The following BEAN1 variants were observed in gnomAD, a reference collection of about 807,000 sequenced individuals.
BEAN1 encodes protein BEAN1.
A neutral mutation model predicts 17.7 loss-of-function variants in BEAN1; 17 were observed. The ratio of observed to expected loss-of-function variants is 0.96; its 90% confidence interval spans 0.66 to 1.44. The LOEUF is 1.44. Ranked by LOEUF, BEAN1 falls within the 40% of genes most tolerant of loss-of-function variation. BEAN1 has a pLI of 0.00. For missense variants in BEAN1, 359 were observed against 374.1 expected (o/e 0.96, Z 0.33); for synonymous variants, 142 against 151.8 (o/e 0.94, Z 0.47).
chr16:66,487,862 C>T (rs1351359072), intron 4 of BEAN1, among the ~76,000 whole-genome samples: 2 of 152,204 alleles, frequency 1.3e-5, no homozygotes, highest in Non-Finnish European at 2.9e-5. Context: ...CTGCACTGTT[C>T]CCAAAGTCAG....
chr16:66,432,635 A>T (rs6499084), intron 1 of BEAN1, among the ~76,000 whole-genome samples: 1 of 152,088 alleles, frequency 6.6e-6, no homozygotes, highest in South Asian at 2.1e-4. Context: ...TGTCTGAGCT[A>T]TCAAGACCTG....
chr16:66,437,638 G>A lies in BEAN1; in HGVS notation c.-39G>A, dbSNP rs779327926. 40 of 1,533,742 alleles carry A rather than the reference G, an allele frequency of 2.6e-5. No homozygotes were observed. Among genetic ancestry groups the A allele is most frequent in the South Asian group, 3.6e-5 (3 of 84,006 alleles). Reference sequence around the variant, plus strand: ...CCTGCGAGAAGTCAGAGCTGTGCCCGTGGGCAGGCTGGCTCCGCTGTTCTG... The same window carrying A: ...CCTGCGAGAAGTCAGAGCTGTGCCCATGGGCAGGCTGGCTCCGCTGTTCTG... On this transcript the variant is annotated 5_prime_UTR_variant, in exon 2 of 5. The change creates a new upstream start codon in the 5' untranslated region. Coordinates refer to ENST00000536005, the MANE Select transcript of BEAN1 (RefSeq NM_001178020.3).
Position 66,434,314 on chromosome 16 carries a change from C to T in BEAN1, c.-82-3281C>T, listed in dbSNP as rs934338100. Among the ~76,000 whole-genome samples, 11 of 151,630 alleles carry T rather than the reference C, an allele frequency of 7.3e-5. No homozygotes were observed. The highest frequency in any genetic ancestry group is 2.4e-4 in the African/African-American group (10 of 41,388). On this transcript the variant is annotated intron_variant, in intron 1 of 4. Transcript: ENST00000536005. This position sits in a 1 kb window ranked among gnomAD's most constrained non-coding sequence, Gnocchi z 4.3. ...TCCTCTCAGCAACTTCAGTCACATG[C>T]GTGCGGGACACCAGGATGGGCACTT... is the stretch of plus-strand genomic sequence containing the variant.
downstream of BEAN1, among the ~76,000 whole-genome samples, chr16:66,494,348 G>C (rs1483642511): frequency 6.6e-6 from 1 of 152,070 alleles, no homozygotes; most frequent in East Asian, 1.9e-4. Context: ...GTGACCTTGG[G>C]CAACTCACTC....
intron 2 of BEAN1, among the ~76,000 whole-genome samples, chr16:66,448,371 G>A (rs1189622822): frequency 2.6e-5 from 4 of 152,184 alleles, no homozygotes; most frequent in African/African-American, 9.7e-5. Context: ...ATGACAAACG[G>A]TACAAATCAG....
chr16:66,480,981 G>A lies in BEAN1; in HGVS notation c.*56G>A. On this transcript the variant is annotated 3_prime_UTR_variant, in exon 5 of 5. Transcript: ENST00000536005. ...CTACAGGCTGAACCACATTCTTTAG[G>A]CACACAAAGGCGTGCACACACACAC... 1 of 1,328,934 alleles carries A rather than the reference G, an allele frequency of 7.5e-7. No homozygotes were observed. The highest frequency in any genetic ancestry group is 1.0e-6 in the Non-Finnish European group (1 of 1,000,674). The allele number at this position is 1,328,934 out of a possible 1,614,324, so 82.3% of individuals were successfully genotyped here.
chr16:66,473,935 C>G lies in BEAN1; in HGVS notation c.290-3625C>G, dbSNP rs923134013. Among the ~76,000 whole-genome samples, 1 of 151,884 alleles carries G rather than the reference C, an allele frequency of 6.6e-6. No homozygotes were observed. Among genetic ancestry groups the G allele is most frequent in the African/African-American group, 2.4e-5 (1 of 41,312 alleles). ...GATCCCACACCTTGGTCCTGGTCCT[C>G]TCTCTACACCCACTCCCTGCTCCAT... On this transcript the variant is annotated intron_variant, in intron 3 of 4. Coordinates refer to ENST00000536005, the MANE Select transcript of BEAN1 (RefSeq NM_001178020.3). The surrounding 1 kb of genome is among the most constrained non-coding windows in gnomAD (Gnocchi z 4.5).
chr16:66,455,592 C>G (rs751667062), intron 2 of BEAN1, among the ~76,000 whole-genome samples: 5 of 152,024 alleles, frequency 3.3e-5, no homozygotes, highest in Non-Finnish European at 7.4e-5. Context: ...TTCCCTGGCC[C>G]TCATATCTTG....
chr16:66,435,738 C>T (rs1596975915), intron 1 of BEAN1, among the ~76,000 whole-genome samples: 4 of 152,162 alleles, frequency 2.6e-5, no homozygotes, highest in Admixed American at 2.6e-4. Flanking sequence ...CCGCCTGCCT[C>T]GGCCTCCCAA....
At chr16:66,469,380 G>A (rs1037760669) in intron 2 of BEAN1, among the ~76,000 whole-genome samples, 4 of 152,210 alleles carry the variant, frequency 2.6e-5, no homozygotes, top group Admixed American at 2.0e-4. Flanking sequence ...TCAGAGGAGA[G>A]GAGGGACAGT....
In BEAN1 at chr16:66,469,672, C is replaced by T. The variant is rs543075506; in HGVS notation, c.96C>T (p.Leu32=). Residue 32 remains leucine (L), a synonymous_variant, in exon 3 of 5, where the codon CTC becomes CTT. Transcript: ENST00000536005. The part of the protein sequence containing the change: ...FSESSEHSHL[L]VSPVLVASAV... ...AGAGCTCGGAGCACAGCCATCTGCT[C>T]GTGTCCCCCGTGCTGGTGGCGAGTG... 25 of 1,535,898 alleles carry T rather than the reference C, an allele frequency of 1.6e-5. No homozygotes were observed. Among genetic ancestry groups the T allele is most frequent in the African/African-American group, 9.6e-5 (7 of 73,144 alleles).
At chr16:66,449,859 C>T (rs1962605180) in intron 2 of BEAN1, among the ~76,000 whole-genome samples, 1 of 152,110 alleles carries the variant, frequency 6.6e-6, no homozygotes, top group Non-Finnish European at 1.5e-5. Context: ...TGATCAATTA[C>T]ACCTGCAATA....
In BEAN1 at chr16:66,477,605, A is replaced by G. The variant is rs1382067981; in HGVS notation, c.335A>G (p.Tyr112Cys). 25 of 1,550,724 alleles carry G rather than the reference A, an allele frequency of 1.6e-5. No homozygotes were observed. The highest frequency in any genetic ancestry group is 1.8e-5 in the Non-Finnish European group (21 of 1,146,698). Residue 112 changes from tyrosine to cysteine, a missense_variant, in exon 4 of 5, where the codon TAT (tyrosine) becomes TGT (cysteine). Tyr to Cys is a radical substitution (Grantham distance 194). Coordinates refer to ENST00000536005, the MANE Select transcript of BEAN1 (RefSeq NM_001178020.3). ...TYSRSSRRMR[Y>C]ACSSSEDWPP... is the part of the protein sequence containing the mutation. Reference sequence around the variant, plus strand: ...AGCCGCTCAAGCCGCAGGATGCGCTATGCCTGCAGCTCCTCAGAGGACTGG... The same window carrying G: ...AGCCGCTCAAGCCGCAGGATGCGCTGTGCCTGCAGCTCCTCAGAGGACTGG...
chr16:66,495,024 C>A (rs1964226564), downstream of BEAN1, among the ~76,000 whole-genome samples: 1 of 152,160 alleles, frequency 6.6e-6, no homozygotes, highest in African/African-American at 2.4e-5. Context: ...CTTCAGGGTG[C>A]AAAGCAGGTG....
rs1423770866 is a variant in BEAN1 at position 66,434,206 on chromosome 16, CCCCCGA to C, written c.-82-3378_-82-3373del. Among the ~76,000 whole-genome samples the C allele has an allele frequency of 6.6e-6, 1 of 150,732 alleles. No homozygotes were observed. Among genetic ancestry groups the C allele is most frequent in the African/African-American group, 2.4e-5 (1 of 40,916 alleles). ...TGGCCTAGCAGCTGGGGTGGGCCTG[CCCCCGA>C]CCCCGACCCCAACCCCGACCCCGAC... On this transcript the variant is annotated intron_variant, in intron 1 of 4. Coordinates refer to ENST00000536005, the MANE Select transcript of BEAN1 (RefSeq NM_001178020.3). This position sits in a 1 kb window ranked among gnomAD's most constrained non-coding sequence, Gnocchi z 4.3.
rs1567509652 is a variant in BEAN1, at chr16:66,480,681, A to T, written c.536A>T (p.Asp179Val). The change falls in exon 5 of 5, where the codon GAT (aspartate) becomes GTT (valine). Residue 179 changes from aspartate to valine, a missense_variant. Coordinates refer to ENST00000536005, the MANE Select transcript of BEAN1 (RefSeq NM_001178020.3). ...CTGACTGATTCCTGCCCCACGCTGG[A>T]TGGCACCTCCGACTCAGGCAGCGGC... ...YSLTDSCPTLDGTSDSGSGHS... is the reference protein window; with the variant it reads ...YSLTDSCPTLVGTSDSGSGHS... The T allele has an allele frequency of 3.9e-6, 6 of 1,551,620 alleles. No individual in the cohort carries two copies. The highest frequency in any genetic ancestry group is 5.2e-6 in the Non-Finnish European group (6 of 1,146,954).
chr16:66,451,617 T>A (rs1962676057), intron 2 of BEAN1, among the ~76,000 whole-genome samples: 1 of 152,216 alleles, frequency 6.6e-6, no homozygotes, highest in Non-Finnish European at 1.5e-5. Flanking sequence ...TATTTGATTG[T>A]CATGTATTGG....
chr16:66,429,005 G>T (rs879807450), intron 1 of BEAN1, among the ~76,000 whole-genome samples: 6 of 152,066 alleles, frequency 3.9e-5, no homozygotes, highest in Non-Finnish European at 5.9e-5. Context: ...TTTCCTCCTT[G>T]CCCTTAGCTG....
At chr16:66,460,970 A>G (rs987986330) in intron 2 of BEAN1, among the ~76,000 whole-genome samples, 1 of 152,218 alleles carries the variant, frequency 6.6e-6, no homozygotes, top group Non-Finnish European at 1.5e-5. Flanking sequence ...AGTACCACGT[A>G]TGGTGTAAGG....
Sources: gnomAD v4.1 joint callset for allele counts (sites outside exome capture counted in the v4.1 genomes callset) on GRCh38, gnomAD v4.1.1 for gene constraint, Gnocchi (gnomAD v3.1) non-coding constraint, MANE v1.5 for transcripts, NCBI Gene and HGNC (gene_info 2026-07-23, HGNC 2026-07-21) for gene names.